MAF: variants seen among roughly 807,000 people sequenced by gnomAD.
The protein encoded by MAF is MAF bZIP transcription factor, also known as transcription factor Maf.
Under a neutral mutation model 22.0 loss-of-function variants are expected in MAF, and 10 were observed. The ratio of observed to expected loss-of-function variants is 0.45; its 90% CI spans 0.28 to 0.77. MAF has a LOEUF of 0.77. Ranked by LOEUF, MAF falls within the 30% of genes least tolerant of loss-of-function variation. The pLI, the probability that MAF is intolerant of heterozygous loss-of-function variation, is 0.12. For missense variants in MAF, 544 were observed against 548.4 expected (o/e 0.99, Z 0.08); for synonymous variants, 337 against 255.8 (o/e 1.32, Z -3.03).
At chr16:79,295,166 T>A in the MAF span, among the ~76,000 whole-genome samples, 3 of 152,158 alleles carry the variant, frequency 2.0e-5, no homozygotes, top group Non-Finnish European at 4.4e-5. Flanking sequence ...GCTATTGAGG[T>A]CCTCAAGAGC....
At chr16:79,555,111 G>C in the MAF span, among the ~76,000 whole-genome samples, 2 of 152,180 alleles carry the variant, frequency 1.3e-5, no homozygotes, top group Non-Finnish European at 2.9e-5. Flanking sequence ...GCTCTGTCTG[G>C]AAATGAACAA....
the MAF span, among the ~76,000 whole-genome samples, chr16:79,372,155 G>C: frequency 1.3e-5 from 2 of 150,012 alleles, no homozygotes; most frequent in Non-Finnish European, 3.0e-5. Flanking sequence ...TTTGGCCTCT[G>C]GGTTCCAGAT....
chr16:79,344,476 C>T, the MAF span, among the ~76,000 whole-genome samples: 1 of 152,198 alleles, frequency 6.6e-6, no homozygotes, highest in South Asian at 2.1e-4. Flanking sequence ...GCTTGGACAA[C>T]AGCATACATC....
At chr16:79,597,917 T>C (rs1913654028) in intron 1 of MAF, 2 of 1,039,406 alleles carry the variant, frequency 1.9e-6, no homozygotes, top group South Asian at 9.2e-5. Context: ...AATGAGTTTT[T>C]TTAATGGCAG....
the MAF span, among the ~76,000 whole-genome samples, chr16:79,421,868 C>T: frequency 3.3e-5 from 5 of 152,296 alleles, no homozygotes; most frequent in South Asian, 2.1e-4. Context: ...GCCCCCGCCT[C>T]CCAGGTTCCA....
the MAF span, among the ~76,000 whole-genome samples, chr16:79,379,028 C>A: frequency 6.6e-6 from 1 of 152,106 alleles, no homozygotes; most frequent in Non-Finnish European, 1.5e-5. Flanking sequence ...TTTGTGCCAT[C>A]GAATAAACTT....
At chr16:79,347,036 T>C in the MAF span, among the ~76,000 whole-genome samples, 1 of 152,342 alleles carries the variant, frequency 6.6e-6, no homozygotes, top group African/African-American at 2.4e-5. Context: ...ATGGCAGCTG[T>C]GTGACCCTGA....
the MAF span, among the ~76,000 whole-genome samples, chr16:79,465,031 C>T: frequency 6.6e-6 from 1 of 152,160 alleles, no homozygotes; most frequent in Admixed American, 6.5e-5. Flanking sequence ...TCATCCAGAT[C>T]TCAAACATGT....
the MAF span, among the ~76,000 whole-genome samples, chr16:79,341,474 C>T: frequency 6.6e-6 from 1 of 152,192 alleles, no homozygotes; most frequent in Admixed American, 6.5e-5. Flanking sequence ...CTTCTCAACT[C>T]ACACCTCTTT....
At chr16:79,270,749 G>A in the MAF span, among the ~76,000 whole-genome samples, 26 of 152,254 alleles carry the variant, frequency 1.7e-4, no homozygotes, top group Non-Finnish European at 2.5e-4. Context: ...CTTGGAAGGC[G>A]ATCTCTTCCT....
the MAF span, among the ~76,000 whole-genome samples, chr16:79,213,321 C>A: frequency 6.6e-6 from 1 of 152,250 alleles, no homozygotes; most frequent in African/African-American, 2.4e-5. Flanking sequence ...CATTGCCCTC[C>A]AGTGGCCCAT....
chr16:79,211,757 G>A, the MAF span: 6 of 1,614,206 alleles, frequency 3.7e-6, no homozygotes, highest in Non-Finnish European at 4.2e-6. Context: ...CGCTCAGCGA[G>A]AGGCTGATCC....
At chr16:79,574,599 A>G in the MAF span, among the ~76,000 whole-genome samples, 3 of 152,068 alleles carry the variant, frequency 2.0e-5, no homozygotes, top group Non-Finnish European at 4.4e-5. Context: ...CCATAGCTCA[A>G]TTGACCCATT....
chr16:79,246,540 T>G, the MAF span, among the ~76,000 whole-genome samples: 2,718 of 101,248 alleles, frequency 0.027, 141 homozygotes, highest in African/African-American at 0.083. Flanking sequence ...AGGTTTTTTT[T>G]GGGGGGGGTG....
chr16:79,335,210 G>T, the MAF span, among the ~76,000 whole-genome samples: 1 of 149,512 alleles, frequency 6.7e-6, no homozygotes, highest in Non-Finnish European at 1.5e-5. Flanking sequence ...GAAAGAAAAA[G>T]AACATACATA....
the MAF span, among the ~76,000 whole-genome samples, chr16:79,433,691 T>G: frequency 6.6e-6 from 1 of 152,192 alleles, no homozygotes; most frequent in African/African-American, 2.4e-5. Flanking sequence ...ACTGACCGAC[T>G]GCCATGAGCA....
the MAF span, among the ~76,000 whole-genome samples, chr16:79,397,272 G>T: frequency 1.3e-5 from 2 of 152,024 alleles, no homozygotes; most frequent in African/African-American, 2.4e-5. Context: ...TGCCCAAGAG[G>T]GGGAAAAAAA....
the MAF span, among the ~76,000 whole-genome samples, chr16:79,244,680 C>G: frequency 6.6e-6 from 1 of 152,062 alleles, no homozygotes; most frequent in Non-Finnish European, 1.5e-5. Flanking sequence ...CCCCATCAAG[C>G]TACCATTGAC....
At chr16:79,326,298 T>C in the MAF span, among the ~76,000 whole-genome samples, 1 of 152,314 alleles carries the variant, frequency 6.6e-6, no homozygotes, top group Admixed American at 6.5e-5. Flanking sequence ...AAAGTACTTA[T>C]CATGATACCT....
Sources: allele counts gnomAD v4.1 joint callset (sites outside exome capture counted in the v4.1 genomes callset), GRCh38; gene constraint gnomAD v4.1.1; transcripts MANE v1.5; gene names NCBI Gene and HGNC (gene_info 2026-07-23, HGNC 2026-07-21).